The following DECR1 variants were observed in gnomAD, a reference collection of about 807,000 sequenced individuals.
DECR1 encodes the protein 2,4-dienoyl-CoA reductase 1, also known as 2,4-dienoyl-CoA reductase [(3E)-enoyl-CoA-producing], mitochondrial.
In DECR1, 44 loss-of-function variants were observed where a neutral mutation model predicts 38.8. That is an observed-to-expected ratio of 1.13 (90% CI 0.89 to 1.46). The LOEUF (loss-of-function observed/expected upper bound fraction) is 1.46. Among genes scored for constraint, DECR1 ranks in the 40% most tolerant of loss-of-function variants. The pLI, the probability that DECR1 is intolerant of heterozygous loss-of-function variation, is 0.00. For synonymous variants in DECR1, 148 were observed against 135.2 expected (o/e 1.09, Z -0.66); for missense variants, 428 against 405.5 (o/e 1.06, Z -0.48).
intron 5 of DECR1, among the ~76,000 whole-genome samples, chr8:90,031,947 A>C (rs1197061613): frequency 6.6e-6 from 1 of 152,202 alleles, no homozygotes; most frequent in Admixed American, 6.6e-5. Context: ...TGGAAAGTTG[A>C]CATAATACAC....
chr8:90,005,601 A>T (rs746928330), intron 1 of DECR1: 2 of 372,498 alleles, frequency 5.4e-6, no homozygotes, highest in African/African-American at 4.3e-5. Flanking sequence ...GCTGGCTCCC[A>T]AAAGGAAGAA....
At chr8:90,016,101 A>T (rs1375876370) in intron 1 of DECR1, among the ~76,000 whole-genome samples, 4 of 152,208 alleles carry the variant, frequency 2.6e-5, no homozygotes, top group African/African-American at 9.7e-5. Flanking sequence ...TTAACATATA[A>T]AATAGGGCAA....
chr8:90,048,264 A>G (rs1247411478), intron 8 of DECR1, among the ~76,000 whole-genome samples: 1 of 152,122 alleles, frequency 6.6e-6, no homozygotes, highest in African/African-American at 2.4e-5. Context: ...TTTTGAAAAG[A>G]CCAAAAAAAT....
At chr8:90,009,608 C>A (rs1812834347) in intron 1 of DECR1, among the ~76,000 whole-genome samples, 1 of 152,054 alleles carries the variant, frequency 6.6e-6, no homozygotes, top group Non-Finnish European at 1.5e-5. Flanking sequence ...AACTCTATAT[C>A]CATCATAATG....
At chr8:90,025,021 C>A (rs1813293250) in intron 5 of DECR1, among the ~76,000 whole-genome samples, 1 of 152,162 alleles carries the variant, frequency 6.6e-6, no homozygotes, top group Non-Finnish European at 1.5e-5. Flanking sequence ...TGTCAAAGAT[C>A]AGATGGTTAT....
In DECR1 at chr8:90,052,121, G is replaced by A. The variant is rs1814114978; in HGVS notation, c.*224G>A. 4.0e-6 allele frequency: 2 copies of A among 497,336 alleles called. No homozygotes were observed. Among genetic ancestry groups the A allele is most frequent in the Non-Finnish European group, 7.1e-6 (2 of 283,528 alleles). 30.8% of individuals were successfully genotyped at this position (497,336 alleles called of 1,614,324 possible). ...AAAAAAAAAAGGAGGCATGGGGAGA[G>A]TAGGTAAAGGCTCCTCTTTACCTAT... On this transcript the variant is annotated 3_prime_UTR_variant, in exon 10 of 10. Transcript: ENST00000220764.
chr8:90,018,497 A>G (rs1813064643), intron 2 of DECR1: 1 of 142,662 alleles, frequency 7.0e-6, no homozygotes, highest in African/African-American at 2.6e-5. Flanking sequence ...GAGTTTAAAT[A>G]TATTATTTTC....
chr8:90,009,799 A>T (rs112971205), intron 1 of DECR1, among the ~76,000 whole-genome samples: 27 of 152,314 alleles, frequency 1.8e-4, no homozygotes, highest in African/African-American at 6.3e-4. Flanking sequence ...CCTAGCTGAA[A>T]ATTTCAAATT....
chr8:90,003,166 T>C (rs1812658771), intron 1 of DECR1: 1 of 152,216 alleles, frequency 6.6e-6, no homozygotes, highest in Non-Finnish European at 1.5e-5. Context: ...TTTGAATTCC[T>C]GGGAGAAGAA....
chr8:90,035,892 G>T lies in DECR1; in HGVS notation c.566-949G>T, dbSNP rs986524925. Among the ~76,000 whole-genome samples, 28 of 151,830 alleles carry T rather than the reference G, an allele frequency of 1.8e-4. 1 individual carries two copies. Among genetic ancestry groups the T allele is most frequent in the Non-Finnish European group, 8.8e-5 (6 of 67,982 alleles). Reference sequence around the variant, plus strand: ...GCTTTATTTCAGCAAGTATATAGTAGTCCTTACTTTGGGGCTAATTTAACC... The same window carrying T: ...GCTTTATTTCAGCAAGTATATAGTATTCCTTACTTTGGGGCTAATTTAACC... On this transcript the variant is annotated intron_variant, in intron 5 of 9. Coordinates refer to ENST00000220764, the MANE Select transcript of DECR1 (RefSeq NM_001359.2).
At chr8:90,047,708 C>T (rs1481868111) in intron 8 of DECR1, among the ~76,000 whole-genome samples, 2 of 152,222 alleles carry the variant, frequency 1.3e-5, no homozygotes, top group African/African-American at 4.8e-5. Context: ...CAGAACTCTC[C>T]ACCTCAAATC....
chr8:90,006,345 G>T (rs1812740075), intron 1 of DECR1: 4 of 703,836 alleles, frequency 5.7e-6, no homozygotes, highest in Non-Finnish European at 1.0e-5. Context: ...AAGATGAGTA[G>T]GAGTTAGCCA....
Position 90,051,890 on chromosome 8 carries a change from G to A in DECR1, c.1001G>A (p.Gly334Asp), listed in dbSNP as rs200122846. ...GAAGAACTCATCAGGAAGACAAAAG[G>A]TTCCTAAGACCACTTTGGCCTTCAT... ...TIEELIRKTK[G>D]S The change falls in exon 10 of 10, where the codon GGT becomes GAT. Residue 334 changes from glycine to aspartate, a missense_variant. Coordinates refer to ENST00000220764, the MANE Select transcript of DECR1 (RefSeq NM_001359.2). 1.2e-5 allele frequency: 20 copies of A among 1,613,626 alleles called. No individual in the cohort carries two copies. Among genetic ancestry groups the A allele is most frequent in the East Asian group, 2.2e-5 (1 of 44,826 alleles).
At chr8:90,048,218 A>G (rs1007699929) in intron 8 of DECR1, among the ~76,000 whole-genome samples, 29 of 152,140 alleles carry the variant, frequency 1.9e-4, no homozygotes, top group African/African-American at 6.3e-4. Flanking sequence ...GACACAAAAA[A>G]CCCTTCAAAA....
chr8:90,040,447 C>T lies in DECR1; in HGVS notation c.666-2281C>T, dbSNP rs181160923. ...TGAAATGATGCTATAAGACTATTAA[C>T]GGATGTCTGATAGTTTCATAGAACT... On this transcript the variant is annotated intron_variant, in intron 6 of 9. Coordinates refer to ENST00000220764, the MANE Select transcript of DECR1 (RefSeq NM_001359.2). 7.0e-4 allele frequency among the ~76,000 whole-genome samples: 107 copies of T among 152,206 alleles called. 1 individual carries two copies. In the South Asian group the frequency reaches 0.013, roughly 19 times the overall value.
At chr8:90,028,211 G>A (rs774212613) in intron 5 of DECR1, among the ~76,000 whole-genome samples, 3 of 152,124 alleles carry the variant, frequency 2.0e-5, no homozygotes, top group South Asian at 2.1e-4. Flanking sequence ...CTCTTGTGCC[G>A]CCATCAGAGG....
chr8:90,027,126 A>G (rs919510110), intron 5 of DECR1, among the ~76,000 whole-genome samples: 1 of 152,154 alleles, frequency 6.6e-6, no homozygotes, highest in Non-Finnish European at 1.5e-5. Flanking sequence ...TTTGCTGAGG[A>G]GTGCTTTACT....
At chr8:90,018,031 C>T (rs934425883) in intron 2 of DECR1, among the ~76,000 whole-genome samples, 5 of 152,106 alleles carry the variant, frequency 3.3e-5, no homozygotes, top group Non-Finnish European at 5.9e-5. Context: ...GGATTACAGG[C>T]GCCTGCCACC....
chr8:90,029,342 G>T (rs1206034463), intron 5 of DECR1: 1 of 152,140 alleles, frequency 6.6e-6, no homozygotes, highest in Admixed American at 6.6e-5. Context: ...CTAACATAAA[G>T]ACTTTGGTGG....
Sources: gnomAD v4.1 joint callset for allele counts (sites outside exome capture counted in the v4.1 genomes callset) on GRCh38, gnomAD v4.1.1 for gene constraint, MANE v1.5 for transcripts, NCBI Gene and HGNC (gene_info 2026-07-23, HGNC 2026-07-21) for gene names.